PRIM2: variants seen among roughly 807,000 people sequenced by gnomAD.
PRIM2 encodes DNA primase subunit 2, also known as DNA primase large subunit.
In PRIM2, 39 loss-of-function variants were observed where a neutral mutation model predicts 67.3. The ratio of observed to expected loss-of-function variants is 0.58; its 90% CI spans 0.45 to 0.76. The LOEUF is 0.76. Among genes scored for constraint, PRIM2 ranks in the 30% least tolerant of loss-of-function variants. The probability of loss-of-function intolerance (pLI) is 0.00; values close to 1 mark genes in which losing one functional copy is unlikely to be tolerated. For synonymous variants in PRIM2, 143 were observed against 198.7 expected (o/e 0.72, Z 2.36); for missense variants, 398 against 598.7 (o/e 0.66, Z 3.50).
At position 57,548,506 on chromosome 6, in the gene PRIM2, G is replaced by T. The variant is rs1240007080; in HGVS notation, c.1020+10881G>T. Reference sequence around the variant, plus strand: ...GAATACTTGAGGAAACAAGGCCTGAGGAGATGGAAAGAGAATTTAAAACAT... The same window carrying T: ...GAATACTTGAGGAAACAAGGCCTGATGAGATGGAAAGAGAATTTAAAACAT... On this transcript the variant is annotated intron_variant, in intron 10 of 13. Transcript: ENST00000615550. Among the ~76,000 whole-genome samples the T allele has an allele frequency of 5.9e-5, 9 of 152,266 alleles. No homozygotes were observed. The East Asian group carries it at 1.7e-3, about 29-fold the overall frequency.
intron 10 of PRIM2, among the ~76,000 whole-genome samples, chr6:57,597,286 A>G (rs1776383696): frequency 6.6e-6 from 1 of 151,882 alleles, no homozygotes; most frequent in South Asian, 2.1e-4. Flanking sequence ...GCCAGTTTGT[A>G]TGAATAGTTA....
At chr6:57,471,654 G>A (rs1357159501) in intron 7 of PRIM2, among the ~76,000 whole-genome samples, 46 of 152,272 alleles carry the variant, frequency 3.0e-4, no homozygotes, top group East Asian at 2.3e-3. Context: ...ATCAAGTGGC[G>A]TTTAATGCTT....
chr6:57,226,755 T>A, the PRIM2 span, among the ~76,000 whole-genome samples: 2 of 152,174 alleles, frequency 1.3e-5, no homozygotes, highest in Admixed American at 1.3e-4. Context: ...TAGACTGAGA[T>A]GGTTACAGGG....
chr6:57,402,034 G>C (rs1302692767), intron 7 of PRIM2, among the ~76,000 whole-genome samples: 1 of 152,186 alleles, frequency 6.6e-6, no homozygotes, highest in Non-Finnish European at 1.5e-5. Flanking sequence ...ATATCTGGCA[G>C]GGGGTGGCTG....
chr6:57,467,662 A>G (rs1335751783), intron 7 of PRIM2, among the ~76,000 whole-genome samples: 71 of 152,346 alleles, frequency 4.7e-4, no homozygotes, highest in African/African-American at 1.7e-3. Flanking sequence ...AATTCTGTGA[A>G]GAACGTAAAC....
At chr6:57,438,486 TTTAAAA>T (rs559104300) in intron 7 of PRIM2, among the ~76,000 whole-genome samples, 2,374 of 152,336 alleles carry the variant, frequency 0.016, 63 homozygotes, top group African/African-American at 0.054. Flanking sequence ...GTGATTATAC[TTTAAAA>T]TTAAGGTATT....
At chr6:57,522,739 G>C (rs1774651928) in intron 8 of PRIM2, among the ~76,000 whole-genome samples, 1 of 152,116 alleles carries the variant, frequency 6.6e-6, no homozygotes, top group Non-Finnish European at 1.5e-5. Flanking sequence ...AATCCAGTGT[G>C]TACTTTGTAC....
intron 7 of PRIM2, among the ~76,000 whole-genome samples, chr6:57,440,326 G>T (rs1441701621): frequency 6.6e-6 from 1 of 151,400 alleles, no homozygotes; most frequent in Non-Finnish European, 1.5e-5. Context: ...GTCTTGCTCT[G>T]TCGCTTAGGC....
In PRIM2 at chr6:57,330,347, TG is replaced by T. The variant is rs1236363887; in HGVS notation, c.459+4303del. On this transcript the variant is annotated intron_variant, in intron 5 of 13. Coordinates refer to ENST00000615550, the MANE Select transcript of PRIM2 (RefSeq NM_000947.5). ...TTGTATCCTGCAACCTTGCTGAACT[TG>T]TTTTTTTTTTTTGTTTTTGTTTTTT... 6.5e-3 allele frequency among the ~76,000 whole-genome samples: 656 copies of T among 101,198 alleles called. 2 individuals carry two copies. The highest frequency in any genetic ancestry group is 1.0e-2 in the Non-Finnish European group (491 of 49,160). The allele number at this position is 101,198 out of a possible 152,430, so 66.4% of individuals were successfully genotyped here. A position where few individuals can be genotyped will look rare whatever the true frequency, so the allele number is the denominator to read the frequency against.
intron 10 of PRIM2, among the ~76,000 whole-genome samples, chr6:57,580,863 T>A (rs1776070721): frequency 6.6e-6 from 1 of 152,318 alleles, no homozygotes; most frequent in South Asian, 2.1e-4. Context: ...CAAGTTAGAT[T>A]TTTAAAATTC....
At chr6:57,390,206 A>G (rs1270558386) in intron 7 of PRIM2, 2 of 154,746 alleles carry the variant, frequency 1.3e-5, no homozygotes, top group African/African-American at 4.8e-5. Flanking sequence ...TTTTGCGCCA[A>G]CCTAATAACA....
intron 7 of PRIM2, among the ~76,000 whole-genome samples, chr6:57,458,685 CA>C (rs1390480043): frequency 3.4e-4 from 51 of 152,030 alleles, no homozygotes; most frequent in Non-Finnish European, 1.6e-4. Flanking sequence ...AACTCTGTCT[CA>C]AAAAAGACAA....
intron 7 of PRIM2, among the ~76,000 whole-genome samples, chr6:57,418,332 G>A (rs1771338551): frequency 7.4e-6 from 1 of 135,954 alleles, no homozygotes; most frequent in African/African-American, 2.7e-5. Context: ...GATGAATAAA[G>A]ATTAAGCTTA....
intron 10 of PRIM2, among the ~76,000 whole-genome samples, chr6:57,576,441 C>T (rs1193411211): frequency 3.3e-5 from 5 of 152,120 alleles, no homozygotes; most frequent in African/African-American, 1.2e-4. Flanking sequence ...AACAGATAAC[C>T]TGAAGCCAGA....
At chr6:57,414,014 A>T (rs1218008157) in intron 7 of PRIM2, among the ~76,000 whole-genome samples, 3 of 152,096 alleles carry the variant, frequency 2.0e-5, no homozygotes, top group Non-Finnish European at 4.4e-5. Context: ...GGTACTTGCT[A>T]TGACTACATT....
chr6:57,529,168 G>T (rs1774831326), intron 8 of PRIM2, among the ~76,000 whole-genome samples: 1 of 152,128 alleles, frequency 6.6e-6, no homozygotes, highest in African/African-American at 2.4e-5. Flanking sequence ...AAATTAGCCG[G>T]TCGTGGTGGT....
At chr6:57,463,734 C>G (rs371676135) in intron 7 of PRIM2, among the ~76,000 whole-genome samples, 5,005 of 152,204 alleles carry the variant, frequency 0.033, 277 homozygotes, top group African/African-American at 0.11. Context: ...AACAGCATCT[C>G]AAACCCACGC....
At chr6:57,291,788 A>G in the PRIM2 span, among the ~76,000 whole-genome samples, 2 of 152,218 alleles carry the variant, frequency 1.3e-5, no homozygotes, top group South Asian at 4.1e-4. Flanking sequence ...CTTCGATAAA[A>G]TTCAACAGCC....
chr6:57,378,240 T>G (rs1769837615), intron 5 of PRIM2, among the ~76,000 whole-genome samples: 2 of 151,972 alleles, frequency 1.3e-5, no homozygotes, highest in Admixed American at 1.3e-4. Flanking sequence ...TTTTAATTTT[T>G]TTTTTTGTAG....
Sources: gnomAD v4.1 joint callset for allele counts (sites outside exome capture counted in the v4.1 genomes callset) on GRCh38, gnomAD v4.1.1 for gene constraint, MANE v1.5 for transcripts, NCBI Gene and HGNC (gene_info 2026-07-23, HGNC 2026-07-21) for gene names.